Variants in ELOVL7 observed in about 807,000 individuals in gnomAD.
ELOVL7 encodes very long chain fatty acid elongase 7.
Under a neutral mutation model 35.7 loss-of-function variants are expected in ELOVL7, and 27 were observed. That is an observed-to-expected ratio of 0.76 (90% CI 0.56 to 1.04). The LOEUF (loss-of-function observed/expected upper bound fraction) is 1.04, where lower values mean the gene tolerates loss of function less well. Among genes scored for constraint, ELOVL7 ranks in the 50% least tolerant of loss-of-function variants. ELOVL7 has a pLI of 0.00. For synonymous variants in ELOVL7, 113 were observed against 114.6 expected (o/e 0.99, Z 0.09); for missense variants, 327 against 340.8 (o/e 0.96, Z 0.32).
Position 60,799,546 on chromosome 5 carries a change from A to T in ELOVL7, c.-85-316T>A, listed in dbSNP as rs189876352. ...AAAGGATCATAAGAACTACTGTGAA[A>T]AATGATACACCGACATATCCCAGAA... is the stretch of plus-strand genomic sequence containing the variant. On this transcript the variant is annotated intron_variant, in intron 1 of 8. Transcript: ENST00000508821. 6.1e-3 allele frequency among the ~76,000 whole-genome samples: 928 copies of T among 152,318 alleles called. 11 individuals are homozygous for T. The highest frequency in any genetic ancestry group is 0.022 in the African/African-American group (902 of 41,572).
intron 4 of ELOVL7, chr5:60,768,500 G>A (rs914281054): frequency 1.3e-5 from 4 of 301,190 alleles, no homozygotes; most frequent in Non-Finnish European, 2.7e-5. Context: ...AGTAAAAGAG[G>A]AAAATGCTCG....
At chr5:60,767,930 A>C (rs1466555817) in intron 4 of ELOVL7, 27 bp from the exon 5 acceptor site, 10 of 1,583,106 alleles carry the variant, frequency 6.3e-6, no homozygotes, top group Non-Finnish European at 8.7e-6. Context: ...GCATATTAAG[A>C]AAGGAAAGCA....
chr5:60,813,771 G>C (rs904919165), intron 1 of ELOVL7, among the ~76,000 whole-genome samples: 1 of 152,134 alleles, frequency 6.6e-6, no homozygotes, highest in Non-Finnish European at 1.5e-5. Context: ...AACTCGACAG[G>C]TAGATTGGGG....
At chr5:60,828,692 A>G (rs990575125) in intron 1 of ELOVL7, among the ~76,000 whole-genome samples, 3 of 152,206 alleles carry the variant, frequency 2.0e-5, no homozygotes, top group African/African-American at 7.2e-5. Flanking sequence ...AAGTTATTAA[A>G]ATATAAAATG....
At chr5:60,843,916 G>A (rs1747340045) in intron 1 of ELOVL7, among the ~76,000 whole-genome samples, 1 of 152,044 alleles carries the variant, frequency 6.6e-6, no homozygotes, top group South Asian at 2.1e-4. Flanking sequence ...AAGGGCCTCG[G>A]TCCTCCCCAC....
intron 1 of ELOVL7, among the ~76,000 whole-genome samples, chr5:60,838,071 C>G (rs1746937485): frequency 6.6e-6 from 1 of 152,210 alleles, no homozygotes; most frequent in Admixed American, 6.5e-5. Context: ...AGATTCAAAT[C>G]TTAACACATC....
At chr5:60,776,742 G>A (rs1742926335) in intron 3 of ELOVL7, among the ~76,000 whole-genome samples, 1 of 151,960 alleles carries the variant, frequency 6.6e-6, no homozygotes, top group African/African-American at 2.4e-5. Context: ...AGGGGACAAG[G>A]GCTGAAAAAC....
At chr5:60,812,336 A>G (rs1179034779) in intron 1 of ELOVL7, among the ~76,000 whole-genome samples, 1 of 152,228 alleles carries the variant, frequency 6.6e-6, no homozygotes, top group Non-Finnish European at 1.5e-5. Flanking sequence ...AAGTTTGACA[A>G]TAGAGAACCA....
At chr5:60,766,549 C>G in intron 6 of ELOVL7, 25 bp downstream of exon 6, 1 of 1,567,284 alleles carries the variant, frequency 6.4e-7, no homozygotes, top group South Asian at 1.2e-5. Context: ...CAAACATTTA[C>G]CAAATGTGGT....
At chr5:60,803,621 C>T (rs1744766135) in intron 1 of ELOVL7, among the ~76,000 whole-genome samples, 1 of 152,082 alleles carries the variant, frequency 6.6e-6, no homozygotes, top group Non-Finnish European at 1.5e-5. Context: ...ACACTATAAA[C>T]CTAAACACAG....
At chr5:60,776,802 C>T (rs1742930076) in intron 3 of ELOVL7, among the ~76,000 whole-genome samples, 1 of 152,200 alleles carries the variant, frequency 6.6e-6, no homozygotes, top group Middle Eastern at 3.4e-3. Flanking sequence ...TCACTAGAAG[C>T]CCAAACCTCA....
At chr5:60,806,903 A>C (rs956441248) in intron 1 of ELOVL7, among the ~76,000 whole-genome samples, 37 of 152,350 alleles carry the variant, frequency 2.4e-4, no homozygotes, top group Middle Eastern at 3.4e-3. Context: ...AAAAAAGAAA[A>C]ATAAATGGTC....
intron 1 of ELOVL7, among the ~76,000 whole-genome samples, chr5:60,823,311 G>A (rs1247784975): frequency 1.3e-5 from 2 of 151,958 alleles, no homozygotes; most frequent in African/African-American, 4.8e-5. Context: ...GTAAAGGGGA[G>A]GAAGCCTTCT....
At chr5:60,824,269 C>T (rs948451896) in intron 1 of ELOVL7, among the ~76,000 whole-genome samples, 15 of 152,264 alleles carry the variant, frequency 9.9e-5, no homozygotes, top group African/African-American at 3.4e-4. Flanking sequence ...CTTTACAGTG[C>T]TGTAAAGGTT....
chr5:60,813,097 C>G (rs7730827), intron 1 of ELOVL7, among the ~76,000 whole-genome samples: 118,889 of 152,078 alleles, frequency 0.78, 46,719 homozygotes, highest in East Asian at 0.9. Context: ...CCTAACTAAT[C>G]CCAAAAGGAA....
intron 3 of ELOVL7, among the ~76,000 whole-genome samples, chr5:60,785,095 C>G (rs1022101871): frequency 1.3e-5 from 2 of 152,176 alleles, no homozygotes; most frequent in African/African-American, 4.8e-5. Flanking sequence ...AGCTGGGCTA[C>G]AGCAGTGTCA....
chr5:60,794,045 T>A (rs1744098277), intron 2 of ELOVL7, among the ~76,000 whole-genome samples: 1 of 152,192 alleles, frequency 6.6e-6, no homozygotes, highest in African/African-American at 2.4e-5. Context: ...GAGCTCAGCC[T>A]GCCTCCAAAG....
intron 2 of ELOVL7, among the ~76,000 whole-genome samples, chr5:60,797,281 T>C (rs1021347009): frequency 6.6e-6 from 1 of 152,232 alleles, no homozygotes. Context: ...CACAGGATTT[T>C]GTGTTTTGTT....
chr5:60,841,454 C>G (rs1274460593), intron 1 of ELOVL7, among the ~76,000 whole-genome samples: 1 of 152,180 alleles, frequency 6.6e-6, no homozygotes, highest in South Asian at 2.1e-4. Context: ...GAACTCTCTT[C>G]TTGGCTCCCT....
Sources: gnomAD v4.1 joint callset for allele counts (sites outside exome capture counted in the v4.1 genomes callset) on GRCh38, gnomAD v4.1.1 for gene constraint, MANE v1.5 for transcripts, NCBI Gene and HGNC (gene_info 2026-07-23, HGNC 2026-07-21) for gene names.